CRACD: variants seen among roughly 807,000 people sequenced by gnomAD.
CRACD encodes capping protein-inhibiting regulator of actin dynamics.
Under a neutral mutation model 106.8 loss-of-function variants are expected in CRACD, and 56 were observed. The ratio of observed to expected loss-of-function variants is 0.52; its 90% CI spans 0.42 to 0.66. CRACD has a LOEUF of 0.66. Ranked by LOEUF, CRACD falls within the 30% of genes least tolerant of loss-of-function variation. The pLI is 0.00. For synonymous variants in CRACD, 754 were observed against 670.8 expected (o/e 1.12, Z -1.92); for missense variants, 1,730 against 1,623.2 (o/e 1.07, Z -1.13).
At chr4:56,141,682 ATTTTTTTTTT>A (rs1171920777) in intron 1 of CRACD, among the ~76,000 whole-genome samples, 5 of 82,654 alleles carry the variant, frequency 6.0e-5, no homozygotes, top group Admixed American at 1.6e-4. Flanking sequence ...AGGAAGTACT[ATTTTTTTTTT>A]TTTTTTTTTT....
At chr4:56,151,526 TATGA>T (rs1434723978) in intron 1 of CRACD, among the ~76,000 whole-genome samples, 3 of 152,326 alleles carry the variant, frequency 2.0e-5, no homozygotes, top group African/African-American at 7.2e-5. Flanking sequence ...TTGTGTTTTC[TATGA>T]ATGAGGATAT....
At chr4:56,300,717 CTT>C (rs1360381433) in intron 4 of CRACD, among the ~76,000 whole-genome samples, 1 of 152,152 alleles carries the variant, frequency 6.6e-6, no homozygotes, top group Non-Finnish European at 1.5e-5. Flanking sequence ...ATAAAAATCT[CTT>C]GTCTTCAATG....
chr4:56,065,292 T>G (rs1375649671), intron 1 of CRACD, among the ~76,000 whole-genome samples: 1 of 152,100 alleles, frequency 6.6e-6, no homozygotes, highest in Admixed American at 6.6e-5. Context: ...TTCACCATAT[T>G]GGTCAGGCTG....
At chr4:56,230,705 A>G (rs1257563652) in intron 2 of CRACD, among the ~76,000 whole-genome samples, 1 of 152,196 alleles carries the variant, frequency 6.6e-6, no homozygotes, top group Non-Finnish European at 1.5e-5. Flanking sequence ...TCTCTCTTGT[A>G]TATATTAGGT....
chr4:56,213,003 G>GC (rs1553910683), intron 2 of CRACD, among the ~76,000 whole-genome samples: 10 of 150,254 alleles, frequency 6.7e-5, no homozygotes, highest in South Asian at 2.1e-4. Context: ...AGCTTACCGT[G>GC]CCCCAGTTGC....
chr4:56,274,188 G>A (rs1246190673), intron 3 of CRACD, among the ~76,000 whole-genome samples: 1 of 152,236 alleles, frequency 6.6e-6, no homozygotes, highest in East Asian at 1.9e-4. Context: ...TGTTGTCCCA[G>A]TGGATAGTCA....
chr4:56,092,468 A>G (rs1733453366), intron 1 of CRACD, among the ~76,000 whole-genome samples: 1 of 152,188 alleles, frequency 6.6e-6, no homozygotes, highest in East Asian at 1.9e-4. Context: ...AATTTCAAAG[A>G]TTTAGTATGA....
intron 1 of CRACD, among the ~76,000 whole-genome samples, chr4:56,145,734 G>GC (rs1286037912): frequency 6.6e-6 from 1 of 151,872 alleles, no homozygotes; most frequent in African/African-American, 2.4e-5. Context: ...GCCTCACTCA[G>GC]CCCCCCAAAG....
At chr4:56,160,724 T>A (rs1735922439) in intron 1 of CRACD, among the ~76,000 whole-genome samples, 1 of 152,218 alleles carries the variant, frequency 6.6e-6, no homozygotes, top group Non-Finnish European at 1.5e-5. Flanking sequence ...CATGCCTACC[T>A]TTCCCAGGTA....
chr4:56,088,428 C>T (rs1733305722), intron 1 of CRACD, among the ~76,000 whole-genome samples: 1 of 151,556 alleles, frequency 6.6e-6, no homozygotes, highest in Non-Finnish European at 1.5e-5. Flanking sequence ...CTCTGCCTCC[C>T]GGGTTCAAGC....
intron 1 of CRACD, among the ~76,000 whole-genome samples, chr4:56,071,489 T>A (rs1375963506): frequency 7.7e-6 from 1 of 130,118 alleles, no homozygotes; most frequent in Non-Finnish European, 1.6e-5. Context: ...TTAGCACAGG[T>A]TGTATTTCTT....
At chr4:56,103,176 C>T (rs4865051) in intron 1 of CRACD, among the ~76,000 whole-genome samples, 18,738 of 152,120 alleles carry the variant, frequency 0.12, 1,230 homozygotes, top group East Asian at 0.19. Flanking sequence ...TATGTAATTC[C>T]TTGGAGGTGA....
intron 2 of CRACD, among the ~76,000 whole-genome samples, chr4:56,185,058 G>A (rs915779967): frequency 2.6e-5 from 4 of 152,118 alleles, no homozygotes; most frequent in Admixed American, 6.6e-5. Context: ...CTGGGTTCAC[G>A]CCATTCTCCT....
intron 3 of CRACD, among the ~76,000 whole-genome samples, chr4:56,275,283 T>TA (rs1428098062): frequency 2.6e-5 from 4 of 151,388 alleles, no homozygotes; most frequent in African/African-American, 7.3e-5. Flanking sequence ...AAATAAAAGT[T>TA]AAAAAAAAAT....
At chr4:56,309,544 A>C (rs1744985354) in intron 5 of CRACD, among the ~76,000 whole-genome samples, 1 of 151,782 alleles carries the variant, frequency 6.6e-6, no homozygotes, top group Non-Finnish European at 1.5e-5. Context: ...TTTTGTAGAG[A>C]CCTCATCTCT....
chr4:56,173,351 T>C (rs551254151), intron 1 of CRACD, among the ~76,000 whole-genome samples: 6 of 152,228 alleles, frequency 3.9e-5, no homozygotes, highest in Non-Finnish European at 8.8e-5. Context: ...TACAAATTGT[T>C]AACATTTCAG....
chr4:56,198,220 A>G (rs1004567338), intron 2 of CRACD, among the ~76,000 whole-genome samples: 1 of 152,200 alleles, frequency 6.6e-6, no homozygotes, highest in Non-Finnish European at 1.5e-5. Flanking sequence ...ATGGCGGTAC[A>G]TCCACCATAC....
At chr4:56,122,523 T>G (rs944434743) in intron 1 of CRACD, among the ~76,000 whole-genome samples, 4 of 152,184 alleles carry the variant, frequency 2.6e-5, no homozygotes, top group Non-Finnish European at 4.4e-5. Flanking sequence ...TGATTTCTGC[T>G]TCATGGTTTC....
At chr4:56,212,634 C>T (rs1738464441) in intron 2 of CRACD, among the ~76,000 whole-genome samples, 1 of 151,968 alleles carries the variant, frequency 6.6e-6, no homozygotes, top group Non-Finnish European at 1.5e-5. Flanking sequence ...TCATTTTTAC[C>T]TTGAATCTTG....
Sources: gnomAD v4.1 joint callset for allele counts (sites outside exome capture counted in the v4.1 genomes callset) on GRCh38, gnomAD v4.1.1 for gene constraint, MANE v1.5 for transcripts, NCBI Gene and HGNC (gene_info 2026-07-23, HGNC 2026-07-21) for gene names.